NRG3: variants seen among roughly 807,000 people sequenced by gnomAD.
The protein encoded by NRG3 is pro-neuregulin-3, membrane-bound isoform.
NRG3 carries 31 observed loss-of-function variants against 66.9 expected under a neutral mutation model. That is an observed-to-expected ratio of 0.46 (90% CI 0.35 to 0.63). NRG3 has a LOEUF of 0.63. Among genes scored for constraint, NRG3 ranks in the 20% least tolerant of loss-of-function variants. The pLI is 0.00. For missense variants in NRG3, 910 were observed against 878.9 expected, an observed-to-expected ratio of 1.04 and a Z score of -0.45; for synonymous variants, 393 against 359.4, an observed-to-expected ratio of 1.09 and a Z score of -1.06.
At chr10:82,656,891 C>A (rs757317459) in intron 2 of NRG3, among the ~76,000 whole-genome samples, 1 of 152,108 alleles carries the variant, frequency 6.6e-6, no homozygotes, top group Non-Finnish European at 1.5e-5. Context: ...GTCTCAAGAT[C>A]TGCCCTGCCC....
rs1467808854 is a variant in NRG3, at chr10:82,691,086, C to T, written c.954-47491C>T. The stretch of plus-strand genomic sequence containing the variant: ...ATCTGGAAGTGGCTTATGATGCACC[C>T]GAATCAGAATCCCGACGAACAAAAA... On this transcript the variant is annotated intron_variant, in intron 2 of 8. Coordinates refer to ENST00000372141, the MANE Select transcript of NRG3 (RefSeq NM_001010848.4). Among the ~76,000 whole-genome samples, 10 of 152,110 alleles carry T rather than the reference C, an allele frequency of 6.6e-5. No homozygotes were observed. In the East Asian group the frequency reaches 1.2e-3, roughly 18 times the overall value.
intron 1 of NRG3, among the ~76,000 whole-genome samples, chr10:82,213,925 T>A (rs1325012448): frequency 1.3e-5 from 2 of 152,068 alleles, no homozygotes; most frequent in Admixed American, 6.6e-5. Context: ...GTAAGAACCC[T>A]GGTTCTGTCT....
At chr10:82,405,909 C>T (rs576239912) in intron 2 of NRG3, among the ~76,000 whole-genome samples, 1 of 152,204 alleles carries the variant, frequency 6.6e-6, no homozygotes, top group Non-Finnish European at 1.5e-5. Context: ...TTGCTTGAAT[C>T]ATTTTTTTTT....
chr10:82,084,249 A>T (rs1590048834), intron 1 of NRG3, among the ~76,000 whole-genome samples: 1 of 152,164 alleles, frequency 6.6e-6, no homozygotes, highest in Middle Eastern at 3.4e-3. Context: ...AGACACATTT[A>T]TAATACTAGT....
intron 2 of NRG3, among the ~76,000 whole-genome samples, chr10:82,450,835 C>T (rs917044730): frequency 6.6e-6 from 1 of 152,180 alleles, no homozygotes. Flanking sequence ...ATAAAATACT[C>T]AACAGTTGCC....
At chr10:82,853,542 A>G (rs1269994449) in intron 3 of NRG3, among the ~76,000 whole-genome samples, 1 of 151,432 alleles carries the variant, frequency 6.6e-6, no homozygotes, top group African/African-American at 2.4e-5. Flanking sequence ...GTATTTTTTT[A>G]TTTGTATTTT....
At chr10:81,985,704 G>A (rs2060493418) in intron 1 of NRG3, among the ~76,000 whole-genome samples, 2 of 152,182 alleles carry the variant, frequency 1.3e-5, no homozygotes, top group Non-Finnish European at 2.9e-5. Flanking sequence ...AATAGGATAT[G>A]CCCAAGTTTT....
At chr10:82,856,770 AAAAG>A (rs1564571504) in intron 3 of NRG3, among the ~76,000 whole-genome samples, 2 of 151,056 alleles carry the variant, frequency 1.3e-5, no homozygotes, top group East Asian at 3.9e-4. Flanking sequence ...AAAAAAAAAA[AAAAG>A]AAAAGAAAAG....
intron 2 of NRG3, among the ~76,000 whole-genome samples, chr10:82,375,601 A>G (rs2085177919): frequency 6.6e-6 from 1 of 152,212 alleles, no homozygotes; most frequent in Admixed American, 6.5e-5. Flanking sequence ...AAACATGACA[A>G]AACGCCAAAA....
At chr10:82,776,935 A>T (rs893038140) in intron 3 of NRG3, among the ~76,000 whole-genome samples, 2 of 152,068 alleles carry the variant, frequency 1.3e-5, no homozygotes, top group African/African-American at 4.8e-5. Context: ...ATATGGGGTT[A>T]GCTACTGAGG....
intron 2 of NRG3, among the ~76,000 whole-genome samples, chr10:82,650,268 C>T (rs2051306670): frequency 6.6e-6 from 1 of 152,122 alleles, no homozygotes; most frequent in Non-Finnish European, 1.5e-5. Flanking sequence ...GTTACAGCAA[C>T]CTTAAGAATT....
chr10:81,982,242 A>C (rs949954698), intron 1 of NRG3, among the ~76,000 whole-genome samples: 6 of 152,208 alleles, frequency 3.9e-5, no homozygotes, highest in African/African-American at 1.4e-4. Context: ...CAGTTCAGCT[A>C]ATCTCTCTGC....
chr10:82,516,815 G>A (rs1845704229), intron 2 of NRG3, among the ~76,000 whole-genome samples: 1 of 151,986 alleles, frequency 6.6e-6, no homozygotes, highest in Non-Finnish European at 1.5e-5. Flanking sequence ...CTTTTACAAG[G>A]GTGACCAAGA....
At chr10:82,392,139 G>A (rs2086416258) in intron 2 of NRG3, among the ~76,000 whole-genome samples, 1 of 151,862 alleles carries the variant, frequency 6.6e-6, no homozygotes, top group African/African-American at 2.4e-5. Context: ...ACACTCTGCT[G>A]TCTTCACCAA....
rs138136121 is a variant in NRG3, at chr10:82,141,776, T to C, written c.824-216963T>C. On this transcript the variant is annotated intron_variant, in intron 1 of 8. Transcript: ENST00000372141. Reference sequence around the variant, plus strand: ...TAAAGTAGAATTAGGTAAGTAACTTTTTTGATAAGCATTTACATTCTTAAG... The same window carrying C: ...TAAAGTAGAATTAGGTAAGTAACTTCTTTGATAAGCATTTACATTCTTAAG... 3.9e-5 allele frequency among the ~76,000 whole-genome samples: 6 copies of C among 152,314 alleles called. No individual in the cohort carries two copies. The East Asian group carries it at 1.2e-3, about 29-fold the overall frequency.
At chr10:82,973,990 G>A (rs1852012382) in intron 7 of NRG3, 75 bp downstream of exon 7, 2 of 1,550,754 alleles carry the variant, frequency 1.3e-6, no homozygotes, top group Non-Finnish European at 1.8e-6. Context: ...GCCAAGGACT[G>A]GCAGCATGAC....
At chr10:82,446,959 T>TA (rs1374615364) in intron 2 of NRG3, among the ~76,000 whole-genome samples, 2 of 152,166 alleles carry the variant, frequency 1.3e-5, no homozygotes, top group Non-Finnish European at 2.9e-5. Flanking sequence ...CAGTAGATGG[T>TA]ATGTCATTAG....
intron 2 of NRG3, among the ~76,000 whole-genome samples, chr10:82,564,051 T>C (rs1258803201): frequency 6.6e-5 from 10 of 151,374 alleles, no homozygotes; most frequent in Non-Finnish European, 1.5e-5. Flanking sequence ...ACATAAGGGG[T>C]CATTTTTTGA....
chr10:82,962,591 C>T (rs927806013), intron 6 of NRG3, among the ~76,000 whole-genome samples: 1 of 152,154 alleles, frequency 6.6e-6, no homozygotes, highest in African/African-American at 2.4e-5. Context: ...GTAATCCCAG[C>T]ACTTTGGGAG....
Sources: allele counts gnomAD v4.1 joint callset (sites outside exome capture counted in the v4.1 genomes callset), GRCh38; gene constraint gnomAD v4.1.1; transcripts MANE v1.5; gene names NCBI Gene and HGNC (gene_info 2026-07-23, HGNC 2026-07-21).